ANXA7: variants seen among roughly 807,000 people sequenced by gnomAD.
ANXA7 encodes annexin VII.
A neutral mutation model predicts 64.9 loss-of-function variants in ANXA7; 55 were observed. That is an observed-to-expected ratio of 0.85 (90% confidence interval 0.68 to 1.06). The LOEUF (loss-of-function observed/expected upper bound fraction) is 1.06. Among genes scored for constraint, ANXA7 ranks in the 50% least tolerant of loss-of-function variants. The pLI, the probability that ANXA7 is intolerant of heterozygous loss-of-function variation, is 0.00. For synonymous variants in ANXA7, 200 were observed against 192.4 expected (o/e 1.04, Z -0.33); for missense variants, 548 against 582.1 (o/e 0.94, Z 0.60).
intron 9 of ANXA7, among the ~76,000 whole-genome samples, chr10:73,381,857 C>CCATTCACTGTTACA (rs1554815879): frequency 6.6e-6 from 1 of 151,352 alleles, no homozygotes; most frequent in Non-Finnish European, 1.5e-5. Context: ...ATTTCCATAT[C>CCATTCACTGTTACA]CACTATCCTT....
chr10:73,383,240 G>A lies in ANXA7; in HGVS notation c.853C>T (p.Leu285Phe). The change falls in exon 9 of 13, where the codon CTT becomes TTT. Residue 285 changes from leucine to phenylalanine, a missense_variant. Coordinates refer to ENST00000372921, the MANE Select transcript of ANXA7 (RefSeq NM_001156.5). ...GTATCTGACCTAATGTCCTTTTCAA[G>A]GTCTCGTCCAAATTCTGACTGATAA... is the stretch of plus-strand genomic sequence containing the variant. ...RCYQSEFGRD[L>F]EKDIRSDTSG... 5 of 1,614,020 alleles carry A rather than the reference G, an allele frequency of 3.1e-6. No individual in the cohort carries two copies. The highest frequency in any genetic ancestry group is 1.6e-4 in the Middle Eastern group (1 of 6,062).
rs1305312176 is a variant in ANXA7 at position 73,375,382 on chromosome 10, C to T, written c.*713G>A. 6.6e-6 allele frequency: 1 copy of T among 151,976 alleles called. No homozygotes were observed. Among genetic ancestry groups the T allele is most frequent in the Non-Finnish European group, 1.5e-5 (1 of 67,988 alleles). The allele number at this position is 151,976 out of a possible 1,614,324, so 9.4% of individuals were successfully genotyped here. On this transcript the variant is annotated 3_prime_UTR_variant, in exon 13 of 13. Transcript: ENST00000372921. ...GTGACAGATACGTAATTAGCCTGAC[C>T]TTAATTGTGGAATCATTACACAAGG...
chr10:73,390,721 AAAAT>A (rs1333210410), intron 5 of ANXA7, among the ~76,000 whole-genome samples: 5 of 107,746 alleles, frequency 4.6e-5, no homozygotes, highest in African/African-American at 2.0e-4. Context: ...TATATATATA[AAAAT>A]ATATATATAC....
intron 1 of ANXA7, among the ~76,000 whole-genome samples, chr10:73,410,854 C>T (rs1384164279): frequency 6.7e-6 from 1 of 150,186 alleles, no homozygotes; most frequent in Non-Finnish European, 1.5e-5. Flanking sequence ...CCGCTTATTA[C>T]ACTACTATAC....
intron 5 of ANXA7, among the ~76,000 whole-genome samples, chr10:73,392,343 C>G (rs1256790264): frequency 1.3e-5 from 2 of 152,178 alleles, no homozygotes; most frequent in South Asian, 4.1e-4. Context: ...CTCAGTAACT[C>G]ATTTTATAAG....
chr10:73,404,328 G>C (rs1413964667), intron 1 of ANXA7, among the ~76,000 whole-genome samples: 1 of 152,168 alleles, frequency 6.6e-6, no homozygotes, highest in Non-Finnish European at 1.5e-5. Context: ...CAGAAAGTTT[G>C]AAAGTTATGT....
intron 5 of ANXA7, among the ~76,000 whole-genome samples, chr10:73,389,510 C>G (rs141972465): frequency 1.2e-4 from 18 of 152,236 alleles, no homozygotes; most frequent in African/African-American, 4.1e-4. Flanking sequence ...TTTGGAGAAT[C>G]TGAGTAAAGG....
chr10:73,391,900 C>T (rs2055489877), intron 5 of ANXA7, among the ~76,000 whole-genome samples: 1 of 152,118 alleles, frequency 6.6e-6, no homozygotes, highest in African/African-American at 2.4e-5. Flanking sequence ...CTTCTACCTA[C>T]TGGTTTTAGT....
intron 12 of ANXA7, among the ~76,000 whole-genome samples, chr10:73,377,840 T>G (rs1241857316): frequency 6.6e-6 from 1 of 150,546 alleles, no homozygotes; most frequent in East Asian, 2.0e-4. Flanking sequence ...TGTGTGTGTG[T>G]GTGTGTGTGT....
chr10:73,398,545 A>T (rs2055613091), intron 2 of ANXA7, among the ~76,000 whole-genome samples, 160 bp from the exon 3 acceptor site: 2 of 152,188 alleles, frequency 1.3e-5, no homozygotes, highest in Non-Finnish European at 2.9e-5. Context: ...GTTTATCAGT[A>T]TACCAGTTTG....
chr10:73,394,766 G>A (rs1435659328), intron 5 of ANXA7, among the ~76,000 whole-genome samples: 1 of 152,116 alleles, frequency 6.6e-6, no homozygotes, highest in Non-Finnish European at 1.5e-5. Context: ...TATAAATGAC[G>A]AGTTAACGGG....
intron 5 of ANXA7, among the ~76,000 whole-genome samples, chr10:73,390,693 A>AATATATATATATATATATATAT (rs142703167): frequency 7.8e-6 from 1 of 127,462 alleles, no homozygotes. Flanking sequence ...TCTTTTGTAA[A>AATATATATATATATATATATAT]ATATATATAT....
intron 12 of ANXA7, among the ~76,000 whole-genome samples, chr10:73,377,773 G>GTGTGTGTGTGTGT (rs2055200570): frequency 1.4e-4 from 17 of 124,822 alleles, no homozygotes; most frequent in African/African-American, 5.5e-4. Context: ...GGTGGGTGTG[G>GTGTGTGTGTGTGT]GTGTGTGTGT....
chr10:73,401,797 C>CCAAGG (rs1564532216), intron 1 of ANXA7, among the ~76,000 whole-genome samples: 1 of 152,056 alleles, frequency 6.6e-6, no homozygotes, highest in East Asian at 1.9e-4. Flanking sequence ...CCACCTCACC[C>CCAAGG]GGCCAAGGCT....
At chr10:73,400,682 G>A (rs948347084) in intron 2 of ANXA7, 121 bp downstream of exon 2, 28 of 713,950 alleles carry the variant, frequency 3.9e-5, no homozygotes, top group East Asian at 2.9e-4. Flanking sequence ...TCACTTCTAC[G>A]TAGTACCTCT....
Position 73,385,938 on chromosome 10 carries a change from G to A in ANXA7, c.633+1751C>T, listed in dbSNP as rs1589650073. On this transcript the variant is annotated intron_variant, in intron 7 of 12. Coordinates refer to ENST00000372921, the MANE Select transcript of ANXA7 (RefSeq NM_001156.5). ...CTATCTAAATGGCAAAGCAGGTCAG[G>A]CGTGGTGGCTCATGCCTGTAATCCC... Among the ~76,000 whole-genome samples, 5 of 152,248 alleles carry A rather than the reference G, an allele frequency of 3.3e-5. No homozygotes were observed. In the South Asian group the frequency reaches 1.0e-3, roughly 32 times the overall value.
chr10:73,402,974 G>T (rs2055694115), intron 1 of ANXA7, among the ~76,000 whole-genome samples: 1 of 152,006 alleles, frequency 6.6e-6, no homozygotes, highest in Admixed American at 6.6e-5. Context: ...ACAGGTGCCT[G>T]CCACCGTGCC....
intron 7 of ANXA7, among the ~76,000 whole-genome samples, chr10:73,387,253 G>T (rs966427260): frequency 6.6e-6 from 1 of 152,022 alleles, no homozygotes; most frequent in Non-Finnish European, 1.5e-5. Flanking sequence ...GGTGGCTCAC[G>T]CCTGTAATCC....
intron 5 of ANXA7, among the ~76,000 whole-genome samples, chr10:73,391,427 A>G (rs2055480988): frequency 6.6e-6 from 1 of 151,824 alleles, no homozygotes. Flanking sequence ...CCTGGGCAAC[A>G]CAGCAAAACC....
Sources: gnomAD v4.1 joint callset for allele counts (sites outside exome capture counted in the v4.1 genomes callset) on GRCh38, gnomAD v4.1.1 for gene constraint, MANE v1.5 for transcripts, NCBI Gene and HGNC (gene_info 2026-07-23, HGNC 2026-07-21) for gene names.